TRPV2: variants seen among roughly 807,000 people sequenced by gnomAD.
TRPV2 encodes transient receptor potential cation channel subfamily V member 2, also known as OTRPC2.
A neutral mutation model predicts 91.0 loss-of-function variants in TRPV2; 58 were observed. That is an observed-to-expected ratio of 0.64 (90% CI 0.52 to 0.79). The LOEUF is 0.79. Ranked by LOEUF, TRPV2 falls within the 30% of genes least tolerant of loss-of-function variation. The probability of loss-of-function intolerance (pLI) is 0.00; values close to 1 mark genes in which losing one functional copy is unlikely to be tolerated. For missense variants in TRPV2, 807 were observed against 969.6 expected (o/e 0.83, Z 2.23); for synonymous variants, 417 against 414.8 (o/e 1.01, Z -0.06).
intron 4 of TRPV2, 47 bp from the exon 5 acceptor site, chr17:16,423,422 A>T (rs1276147684): frequency 1.9e-6 from 3 of 1,552,908 alleles, no homozygotes; most frequent in Admixed American, 1.9e-5. Flanking sequence ...GAGTAGGCAG[A>T]TGGAAAGCAG....
chr17:16,426,168 TG>T lies in TRPV2; in HGVS notation c.995del (p.Cys332SerfsTer45). ...SHLSRKFTEW[C>X]YGPVRVSLYD... is the part of the protein sequence containing the mutation. ...CCTTTCCCGAAAGTTCACCGAGTGGTGCTATGGGCCTGTCCGGGTGTCGCTG... is the reference window on the plus strand; with the variant it reads ...CCTTTCCCGAAAGTTCACCGAGTGGTCTATGGGCCTGTCCGGGTGTCGCTG... On this transcript the variant is annotated frameshift_variant, in exon 6 of 15. Coordinates refer to ENST00000338560, the MANE Select transcript of TRPV2 (RefSeq NM_016113.5). LOFTEE classifies it high-confidence loss of function. This position sits in a 1 kb window ranked among gnomAD's most constrained non-coding sequence, Gnocchi z 6.0. 6.2e-7 allele frequency: 1 copy of T among 1,614,152 alleles called. No individual in the cohort carries two copies. The highest frequency in any genetic ancestry group is 8.5e-7 in the Non-Finnish European group (1 of 1,180,016).
chr17:16,420,138 A>G lies in TRPV2; in HGVS notation c.224A>G (p.Asp75Gly), dbSNP rs2093349601. 1.9e-6 allele frequency: 3 copies of G among 1,613,494 alleles called. No individual in the cohort carries two copies. In the African/African-American group the frequency reaches 4.0e-5, roughly 22 times the overall value. Residue 75 changes from aspartate to glycine, a missense_variant, in exon 3 of 15, where the codon GAC becomes GGC. By Grantham distance (94) the Asp-to-Gly change is moderately conservative. Transcript: ENST00000338560. ...GASQPDPNRF[D>G]RDRLFNAVSR... ...AGTCAGCCGGATCCAAACCGATTTG[A>G]CCGAGATCGGCTCTTCAATGCGGTC...
chr17:16,419,860 G>C (rs1435735465), intron 2 of TRPV2, among the ~76,000 whole-genome samples: 1 of 152,220 alleles, frequency 6.6e-6, no homozygotes, highest in Non-Finnish European at 1.5e-5. Context: ...ACCTGATGCT[G>C]AAAAGTGTCT....
chr17:16,432,555 C>T (rs1396034640), intron 12 of TRPV2, among the ~76,000 whole-genome samples: 1 of 151,798 alleles, frequency 6.6e-6, no homozygotes, highest in Non-Finnish European at 1.5e-5. Context: ...ATCCTCCTTC[C>T]TCAGCCTCCT....
At chr17:16,436,465 G>A (rs1756176377) in intron 14 of TRPV2, among the ~76,000 whole-genome samples, 1 of 152,116 alleles carries the variant, frequency 6.6e-6, no homozygotes, top group South Asian at 2.1e-4. Flanking sequence ...ATCTGCCACC[G>A]CCCCTGCAGG....
chr17:16,421,870 A>G (rs1156895942), intron 3 of TRPV2, among the ~76,000 whole-genome samples: 1 of 152,138 alleles, frequency 6.6e-6, no homozygotes, highest in East Asian at 1.9e-4. Flanking sequence ...CCCATTTTAC[A>G]GTAACGAAAA....
chr17:16,426,815 T>C lies in TRPV2; in HGVS notation c.1189T>C (p.Cys397Arg). The part of the protein sequence containing the change: ...LIPKFFLNFL[C>R]NLIYMFIFTA... ...CCCCAAGTTCTTCTTAAACTTCCTG[T>C]GTAATCTGATCTACATGTTCATCTT... The change falls in exon 7 of 15, where the codon TGT becomes CGT. Residue 397 changes from cysteine (C) to arginine (R), a missense_variant. By Grantham distance (180) the Cys-to-Arg change is radical. Coordinates refer to ENST00000338560, the MANE Select transcript of TRPV2 (RefSeq NM_016113.5). This position sits in a 1 kb window ranked among gnomAD's most constrained non-coding sequence, Gnocchi z 6.0. 6.2e-7 allele frequency: 1 copy of C among 1,613,998 alleles called. No homozygotes were observed. Among genetic ancestry groups the C allele is most frequent in the Non-Finnish European group, 8.5e-7 (1 of 1,179,980 alleles).
In TRPV2 at chr17:16,434,933, A is replaced by G. The variant is rs571076458; in HGVS notation, c.2158A>G (p.Thr720Ala). ...NWASWEQTLP[T>A]LCEDPSGAGV... ...GGCTTCATGGGAGCAGACGCTGCCT[A>G]CGCTGTGTGAGGACCCGTCAGGGGC... Residue 720 changes from threonine (T) to alanine (A), a missense_variant, in exon 14 of 15, where the codon ACG becomes GCG. Physicochemically the swap from Thr to Ala is moderately conservative, Grantham distance 58. Coordinates refer to ENST00000338560, the MANE Select transcript of TRPV2 (RefSeq NM_016113.5). 1.2e-6 allele frequency: 2 copies of G among 1,611,854 alleles called. No homozygotes were observed. The highest frequency in any genetic ancestry group is 2.7e-5 in the African/African-American group (2 of 74,960).
In TRPV2 at chr17:16,422,599, A is replaced by G. The variant is rs1600965835; in HGVS notation, c.335A>G (p.Glu112Gly). Residue 112 changes from glutamate (E) to glycine (G), a missense_variant and splice_region_variant, in exon 4 of 15, where the codon GAG becomes GGG. Transcript: ENST00000338560. Reference sequence around the variant, plus strand: ...CCCTTCCCCTCCCTTCTTCCCACAGAGGGCTCCACAGGTAAGACGTGCCTG... The same window carrying G: ...CCCTTCCCCTCCCTTCTTCCCACAGGGGGCTCCACAGGTAAGACGTGCCTG... Reference protein sequence around the residue: ...SKYLTDSEYTEGSTGKTCLMK... With the variant: ...SKYLTDSEYTGGSTGKTCLMK... 2 of 1,611,706 alleles carry G rather than the reference A, an allele frequency of 1.2e-6. No individual in the cohort carries two copies. Among genetic ancestry groups the G allele is most frequent in the East Asian group, 4.5e-5 (2 of 44,840 alleles).
At chr17:16,418,912 C>T (rs1213339220) in intron 2 of TRPV2, among the ~76,000 whole-genome samples, 4 of 151,966 alleles carry the variant, frequency 2.6e-5, no homozygotes, top group Non-Finnish European at 5.9e-5. Flanking sequence ...ACAGTCATAG[C>T]TGTTGGCTTA....
chr17:16,422,676 C>G lies in TRPV2; in HGVS notation c.412C>G (p.Leu138Val). Residue 138 changes from leucine to valine, a missense_variant, in exon 4 of 15, where the codon CTG becomes GTG. Transcript: ENST00000338560. ...CGGAGTCAATGCCTGCATTCTGCCA[C>G]TGCTGCAGATCGACAGGGACTCTGG... The part of the protein sequence containing the change: ...KDGVNACILP[L>V]LQIDRDSGNP... 1 of 1,613,716 alleles carries G rather than the reference C, an allele frequency of 6.2e-7. No individual in the cohort carries two copies. Among genetic ancestry groups the G allele is most frequent in the African/African-American group, 1.3e-5 (1 of 75,060 alleles).
chr17:16,433,411 C>T (rs1321360608), intron 12 of TRPV2, 163 bp from the exon 13 acceptor site: 2 of 1,010,800 alleles, frequency 2.0e-6, no homozygotes, highest in Admixed American at 2.5e-5. Flanking sequence ...CAACCCCACA[C>T]AGGTAACCGG....
chr17:16,425,254 C>T (rs2093377842), intron 5 of TRPV2, among the ~76,000 whole-genome samples: 1 of 152,040 alleles, frequency 6.6e-6, no homozygotes, highest in African/African-American at 2.4e-5. Context: ...AAACTCCCGA[C>T]CTCTGGTGAT....
Position 16,426,833 on chromosome 17 carries a change from T to C in TRPV2, c.1207T>C (p.Phe403Leu). Residue 403 changes from phenylalanine (F) to leucine (L), a missense_variant, in exon 7 of 15, where the codon TTC becomes CTC. Coordinates refer to ENST00000338560, the MANE Select transcript of TRPV2 (RefSeq NM_016113.5). This position sits in a 1 kb window ranked among gnomAD's most constrained non-coding sequence, Gnocchi z 6.0. ...LNFLCNLIYM[F>L]IFTAVAYHQP... ...CTTCCTGTGTAATCTGATCTACATG[T>C]TCATCTTCACCGCTGTTGCCTACCA... 6.2e-7 allele frequency: 1 copy of C among 1,613,882 alleles called. No individual in the cohort carries two copies. Among genetic ancestry groups the C allele is most frequent in the Non-Finnish European group, 8.5e-7 (1 of 1,179,942 alleles).
chr17:16,420,092 G>T, intron 2 of TRPV2, 23 bp from the exon 3 acceptor site: 1 of 1,607,122 alleles, frequency 6.2e-7, no homozygotes. Context: ...TCCAGCATGA[G>T]TCACAAACCA....
intron 10 of TRPV2, among the ~76,000 whole-genome samples, chr17:16,429,916 G>A (rs949464426): frequency 6.6e-6 from 1 of 151,278 alleles, no homozygotes; most frequent in Non-Finnish European, 1.5e-5. Flanking sequence ...CTAGGCTAGA[G>A]TGCAATGGCA....
intron 5 of TRPV2, 58 bp downstream of exon 5, chr17:16,423,825 A>G: frequency 6.8e-7 from 1 of 1,476,856 alleles, no homozygotes; most frequent in Non-Finnish European, 9.0e-7. Flanking sequence ...TCTCATCCCA[A>G]AATTTCTGCA....
intron 10 of TRPV2, among the ~76,000 whole-genome samples, chr17:16,430,779 C>T (rs1373372924): frequency 2.6e-5 from 4 of 152,150 alleles, no homozygotes; most frequent in Non-Finnish European, 5.9e-5. Flanking sequence ...AGCCATCACG[C>T]CCAGCCAATT....
chr17:16,426,383 G>T lies in TRPV2; in HGVS notation c.1095+114G>T. 7.5e-7 allele frequency: 1 copy of T among 1,325,814 alleles called. No individual in the cohort carries two copies. Among genetic ancestry groups the T allele is most frequent in the Non-Finnish European group, 1.0e-6 (1 of 971,486 alleles). The allele number at this position is 1,325,814 out of a possible 1,614,324, so 82.1% of individuals were successfully genotyped here. A position where few individuals can be genotyped will look rare whatever the true frequency, so the allele number is the denominator to read the frequency against. On this transcript the variant is annotated intron_variant, in intron 6 of 14. Coordinates refer to ENST00000338560, the MANE Select transcript of TRPV2 (RefSeq NM_016113.5). This position sits in a 1 kb window ranked among gnomAD's most constrained non-coding sequence, Gnocchi z 6.0. ...CTGCCCCATTCCTGTGCCAGTGGGG[G>T]TGTGGCTGCATGTCCCAGCAGGCAC...
Sources: gnomAD v4.1 joint callset for allele counts (sites outside exome capture counted in the v4.1 genomes callset) on GRCh38, gnomAD v4.1.1 for gene constraint, Gnocchi (gnomAD v3.1) non-coding constraint, MANE v1.5 for transcripts, NCBI Gene and HGNC (gene_info 2026-07-23, HGNC 2026-07-21) for gene names.